The following FMN2 variants were observed in gnomAD, a reference collection of about 807,000 sequenced individuals.
FMN2 encodes the protein formin-2.
FMN2 carries 51 observed loss-of-function variants against 142.3 expected under a neutral mutation model. The ratio of observed to expected loss-of-function variants is 0.36; its 90% CI spans 0.29 to 0.45. The LOEUF is 0.45. Ranked by LOEUF, FMN2 falls within the 20% of genes least tolerant of loss-of-function variation. The pLI is 1.00. For synonymous variants in FMN2, 882 were observed against 869.8 expected, an observed-to-expected ratio of 1.01 and a Z score of -0.25; for missense variants, 1,936 against 2,122.8, an observed-to-expected ratio of 0.91 and a Z score of 1.73.
chr1:240,425,594 A>G (rs1426520933), intron 15 of FMN2, among the ~76,000 whole-genome samples: 1 of 152,132 alleles, frequency 6.6e-6, no homozygotes, highest in Non-Finnish European at 1.5e-5. Flanking sequence ...AATAAACATG[A>G]GACAGTGCTT....
chr1:240,462,778 G>A lies in FMN2; in HGVS notation c.5061-9594G>A, dbSNP rs1382942231. Among the ~76,000 whole-genome samples the A allele has an allele frequency of 3.3e-5, 5 of 152,262 alleles. No individual in the cohort carries two copies. The South Asian group carries it at 6.2e-4, about 19-fold the overall frequency. ...CAGTAAAGACACAGATAAATAGTCA[G>A]AAGTCATCCTTAAAGTGAAAATCTG... On this transcript the variant is annotated intron_variant, in intron 16 of 17. Transcript: ENST00000319653.
chr1:240,221,396 T>C (rs1282181637), intron 6 of FMN2, among the ~76,000 whole-genome samples: 1 of 152,200 alleles, frequency 6.6e-6, no homozygotes, highest in African/African-American at 2.4e-5. Flanking sequence ...CCCAACTTTT[T>C]AATGATCGCC....
chr1:240,141,180 T>C (rs1663165343), intron 2 of FMN2, among the ~76,000 whole-genome samples: 1 of 152,158 alleles, frequency 6.6e-6, no homozygotes, highest in African/African-American at 2.4e-5. Context: ...GTGAATGTGT[T>C]ATGAAGAATC....
intron 13 of FMN2, among the ~76,000 whole-genome samples, chr1:240,347,214 A>T (rs147267561): frequency 3.8e-4 from 58 of 152,354 alleles, no homozygotes; most frequent in African/African-American, 1.3e-3. Context: ...GAGGATGCTG[A>T]GGAAAATGTG....
At chr1:240,145,559 T>G (rs1663421679) in intron 2 of FMN2, among the ~76,000 whole-genome samples, 1 of 91,576 alleles carries the variant, frequency 1.1e-5, no homozygotes, top group South Asian at 4.1e-4. Context: ...TTTTTTTTTT[T>G]GAGACAGGGT....
At chr1:240,324,149 A>C (rs73124128) in intron 8 of FMN2, among the ~76,000 whole-genome samples, 2,519 of 152,232 alleles carry the variant, frequency 0.017, 74 homozygotes, top group African/African-American at 0.056. Context: ...ATGAATTGAA[A>C]GCACCAATTT....
At chr1:240,159,905 GTATATATATATA>G (rs34012500) in intron 2 of FMN2, among the ~76,000 whole-genome samples, 12 of 120,094 alleles carry the variant, frequency 1.0e-4, no homozygotes, top group African/African-American at 2.1e-4. Flanking sequence ...ATATATCTGT[GTATATATATATA>G]TATATATATA....
intron 14 of FMN2, among the ~76,000 whole-genome samples, chr1:240,389,485 C>G (rs926392041): frequency 1.3e-5 from 2 of 152,140 alleles, no homozygotes; most frequent in African/African-American, 4.8e-5. Context: ...GGGGTCACTG[C>G]ATGTAATTAG....
chr1:240,381,880 A>G (rs1673237143), intron 14 of FMN2, among the ~76,000 whole-genome samples: 1 of 152,246 alleles, frequency 6.6e-6, no homozygotes, highest in Non-Finnish European at 1.5e-5. Flanking sequence ...GGAATGGGGA[A>G]AAGATTAAAG....
At chr1:240,358,774 T>A (rs1429949116) in intron 14 of FMN2, among the ~76,000 whole-genome samples, 1 of 152,098 alleles carries the variant, frequency 6.6e-6, no homozygotes, top group Non-Finnish European at 1.5e-5. Context: ...ACACATGGAT[T>A]ATGGGGATTA....
At chr1:240,441,196 T>C (rs1675604415) in intron 16 of FMN2, among the ~76,000 whole-genome samples, 1 of 152,092 alleles carries the variant, frequency 6.6e-6, no homozygotes, top group Non-Finnish European at 1.5e-5. Context: ...GGTTTCACCA[T>C]GTTGGCCAGG....
At chr1:240,099,453 G>A (rs1471280708) in intron 1 of FMN2, among the ~76,000 whole-genome samples, 1 of 151,960 alleles carries the variant, frequency 6.6e-6, no homozygotes, top group Admixed American at 6.6e-5. Context: ...GTAAGATTTG[G>A]GGGAGGGTGC....
chr1:240,187,849 C>T (rs953803438), intron 3 of FMN2, among the ~76,000 whole-genome samples: 7 of 152,098 alleles, frequency 4.6e-5, no homozygotes, highest in Non-Finnish European at 8.8e-5. Context: ...GGTGAAGTGG[C>T]TTCTATCGTG....
rs555233737 is a variant in FMN2 at position 240,338,518 on chromosome 1, A to T, written c.4765+4289A>T. Among the ~76,000 whole-genome samples, 8 of 152,278 alleles carry T rather than the reference A, an allele frequency of 5.3e-5. No homozygotes were observed. The East Asian group carries it at 1.5e-3, about 29-fold the overall frequency. On this transcript the variant is annotated intron_variant, in intron 13 of 17. Coordinates refer to ENST00000319653, the MANE Select transcript of FMN2 (RefSeq NM_020066.5). ...TTGATCCAAAAATATTAAGTGGAAA[A>T]TTTCAAAAATAAACAATTCATATGT... is the stretch of plus-strand genomic sequence containing the variant.
chr1:240,234,353 A>T (rs1667626718), intron 6 of FMN2, among the ~76,000 whole-genome samples: 1 of 152,190 alleles, frequency 6.6e-6, no homozygotes, highest in Admixed American at 6.5e-5. Context: ...ATTTTACACA[A>T]TGGGCAGAAC....
At chr1:240,371,333 A>G (rs1232673654) in intron 14 of FMN2, among the ~76,000 whole-genome samples, 1 of 152,106 alleles carries the variant, frequency 6.6e-6, no homozygotes, top group African/African-American at 2.4e-5. Flanking sequence ...ATATTTTTTC[A>G]TGGTTAAGTC....
chr1:240,469,047 C>A (rs997323958), intron 16 of FMN2, among the ~76,000 whole-genome samples: 1 of 152,082 alleles, frequency 6.6e-6, no homozygotes, highest in Non-Finnish European at 1.5e-5. Flanking sequence ...AGGAGTGAGA[C>A]TCAGGAGCAA....
intron 6 of FMN2, among the ~76,000 whole-genome samples, chr1:240,246,905 G>T (rs910213171): frequency 6.6e-6 from 1 of 152,150 alleles, no homozygotes; most frequent in Non-Finnish European, 1.5e-5. Context: ...TTTTGCCTCA[G>T]TTCTGAGATC....
chr1:240,148,309 G>C (rs567858855), intron 2 of FMN2, among the ~76,000 whole-genome samples: 1,684 of 142,732 alleles, frequency 0.012, 25 homozygotes, highest in African/African-American at 0.013. Flanking sequence ...CAGAGAGAGA[G>C]AGACAGACAG....
Sources: allele counts gnomAD v4.1 joint callset (sites outside exome capture counted in the v4.1 genomes callset), GRCh38; gene constraint gnomAD v4.1.1; transcripts MANE v1.5; gene names NCBI Gene and HGNC (gene_info 2026-07-23, HGNC 2026-07-21).